Variants in BRF1 observed in about 807,000 individuals in gnomAD.
The protein encoded by BRF1 is BRF1 general transcription factor IIIB subunit.
In BRF1, 59 loss-of-function variants were observed where a neutral mutation model predicts 81.7. The observed-to-expected ratio is 0.72, with a 90% CI of 0.59 to 0.90. The LOEUF is 0.90. BRF1 is among the 40% of genes least tolerant of loss of function. The pLI, the probability that BRF1 is intolerant of heterozygous loss-of-function variation, is 0.00. For missense variants in BRF1, 1,050 were observed against 936.3 expected (o/e 1.12, Z -1.58); for synonymous variants, 491 against 395.6 (o/e 1.24, Z -2.86).
chr14:105,249,999 G>GGC (rs1566835646), intron 5 of BRF1: 1 of 1,612,688 alleles, frequency 6.2e-7, no homozygotes, highest in Non-Finnish European at 8.5e-7. Flanking sequence ...GAGTGCAAGA[G>GGC]GCAGGGGCTG....
chr14:105,241,347 G>T lies in BRF1; in HGVS notation c.612C>A (p.Ser204=). 2.5e-6 allele frequency: 4 copies of T among 1,612,758 alleles called. No homozygotes were observed. Among genetic ancestry groups the T allele is most frequent in the South Asian group, 2.2e-5 (2 of 91,088 alleles). Reference sequence around the variant, plus strand: ...TCTGTAGGAGCCTCAGGGCAGTCATGGACACCTCGTGGTTCTTCTCCCCGA... The same window carrying T: ...TCTGTAGGAGCCTCAGGGCAGTCATTGACACCTCGTGGTTCTTCTCCCCGA... The part of the protein sequence containing the change: ...LEFGEKNHEV[S]MTALRLLQRM... Residue 204 remains serine (S), a synonymous_variant, in exon 6 of 18, where the codon TCC becomes TCA. Coordinates refer to ENST00000547530, the MANE Select transcript of BRF1 (RefSeq NM_001519.4).
chr14:105,215,979 CAT>C (rs1891189213), intron 15 of BRF1, among the ~76,000 whole-genome samples: 1 of 113,128 alleles, frequency 8.8e-6, no homozygotes, highest in Non-Finnish European at 1.7e-5. Context: ...ACACACACTG[CAT>C]ACACAGGCGC....
intron 12 of BRF1, chr14:105,219,817 A>C (rs1891968578): frequency 2.3e-5 from 13 of 562,094 alleles, no homozygotes; most frequent in South Asian, 4.2e-5. Flanking sequence ...GCTGCAGGCT[A>C]TGTGCCGAGG....
chr14:105,229,056 C>T (rs992745092), intron 6 of BRF1, 143 bp from the exon 7 acceptor site: 12 of 739,200 alleles, frequency 1.6e-5, no homozygotes, highest in Middle Eastern at 3.4e-4. Context: ...GAGACCCTCA[C>T]TTGGCATGGC....
At chr14:105,281,635 G>A (rs2057109915) in intron 2 of BRF1, among the ~76,000 whole-genome samples, 1 of 152,178 alleles carries the variant, frequency 6.6e-6, no homozygotes, top group African/African-American at 2.4e-5. Flanking sequence ...GTGGAGGGGG[G>A]CACTGACGGG....
At chr14:105,256,458 G>T in intron 4 of BRF1, 60 bp downstream of exon 4, 1 of 1,613,908 alleles carries the variant, frequency 6.2e-7, no homozygotes, top group Non-Finnish European at 8.5e-7. Flanking sequence ...TCACAACCCT[G>T]GTCACAACCC....
At chr14:105,313,983 C>A (rs1263975049) in intron 1 of BRF1, among the ~76,000 whole-genome samples, 1 of 152,272 alleles carries the variant, frequency 6.6e-6, no homozygotes, top group East Asian at 1.9e-4. Flanking sequence ...GACATTTGTT[C>A]TCCATTGTCC....
chr14:105,268,362 G>A (rs1017091485), intron 3 of BRF1, among the ~76,000 whole-genome samples: 1 of 152,236 alleles, frequency 6.6e-6, no homozygotes, highest in Non-Finnish European at 1.5e-5. Context: ...TGGGAGCCAG[G>A]AGCAGACTCA....
intron 1 of BRF1, among the ~76,000 whole-genome samples, chr14:105,292,289 T>C (rs937364719): frequency 1.4e-4 from 21 of 152,254 alleles, no homozygotes; most frequent in East Asian, 9.7e-4. Context: ...GTTCAAGCGA[T>C]TCTCATGCCT....
intron 4 of BRF1, among the ~76,000 whole-genome samples, chr14:105,254,203 A>G (rs770430734): frequency 6.6e-6 from 1 of 152,210 alleles, no homozygotes; most frequent in Non-Finnish European, 1.5e-5. Flanking sequence ...GGGCCTTTAC[A>G]TGGAAACTCA....
At chr14:105,219,748 CTT>C (rs1891946995) in intron 12 of BRF1, 3 of 481,188 alleles carry the variant, frequency 6.2e-6, no homozygotes, top group Admixed American at 6.8e-5. Flanking sequence ...TGGGTGCCCT[CTT>C]GTGTCTAGAG....
chr14:105,226,523 G>A (rs1041322905), intron 8 of BRF1, 111 bp downstream of exon 8: 20 of 1,549,810 alleles, frequency 1.3e-5, no homozygotes, highest in Middle Eastern at 2.2e-4. Flanking sequence ...ACTGAAGAGC[G>A]GCTATGAGGC....
rs372121140 is a variant in BRF1, at chr14:105,210,513, G to A, written c.*38C>T. On this transcript the variant is annotated 3_prime_UTR_variant, in exon 18 of 18. Coordinates refer to ENST00000547530, the MANE Select transcript of BRF1 (RefSeq NM_001519.4). This position sits in a 1 kb window ranked among gnomAD's most constrained non-coding sequence, Gnocchi z 4.7. ...GTCTGATGCTGAGGAGACCCGCGAG[G>A]CCCCCTGCCAGGACATCACCTGCCT... The A allele has an allele frequency of 3.1e-6, 5 of 1,607,070 alleles. No homozygotes were observed. Among genetic ancestry groups the A allele is most frequent in the South Asian group, 1.1e-5 (1 of 90,740 alleles).
intron 5 of BRF1, chr14:105,249,216 C>A: frequency 6.3e-7 from 1 of 1,587,626 alleles, no homozygotes; most frequent in Non-Finnish European, 8.5e-7. Context: ...GTGGGGCCCC[C>A]GGGGGCGACC....
Position 105,308,768 on chromosome 14 carries a change from A to G in BRF1, c.-162+6554T>C, listed in dbSNP as rs138800733. On this transcript the variant is annotated intron_variant, in intron 1 of 17. Coordinates refer to the BRF1 transcript ENST00000327359. ...AGTGCTGGGATTACAGGCATGAGCC[A>G]CTGTGCCCAGCCATGACTTTGTCTC... 8.5e-3 allele frequency among the ~76,000 whole-genome samples: 1,287 copies of G among 152,068 alleles called. 26 individuals carry two copies. Among genetic ancestry groups the G allele is most frequent in the African/African-American group, 0.029 (1,223 of 41,520 alleles).
Position 105,315,047 on chromosome 14 carries a change from GC to G in BRF1, c.-162+274del. On this transcript the variant is annotated intron_variant, in intron 1 of 17. Coordinates refer to the BRF1 transcript ENST00000327359. This position sits in a 1 kb window ranked among gnomAD's most constrained non-coding sequence, Gnocchi z 4.4. ...CCAGCTGCGTGCCCAGGTACGCGCC[GC>G]CCGCCGCGCTTTGTTCCCGCCGGGC... 1 of 1,167,768 alleles carries G rather than the reference GC, an allele frequency of 8.6e-7. No individual in the cohort carries two copies. Among genetic ancestry groups the G allele is most frequent in the Non-Finnish European group, 1.1e-6 (1 of 937,660 alleles). 72.3% of individuals were successfully genotyped at this position (1,167,768 alleles called of 1,614,324 possible). A position where few individuals can be genotyped will look rare whatever the true frequency, so the allele number is the denominator to read the frequency against.
At chr14:105,216,190 C>T (rs7160272) in intron 15 of BRF1, among the ~76,000 whole-genome samples, 50,537 of 152,162 alleles carry the variant, frequency 0.33, 9,934 homozygotes, top group African/African-American at 0.54. Flanking sequence ...CATGCACACC[C>T]GGGCCCTGTC....
At chr14:105,265,308 G>A (rs1443805805) in intron 3 of BRF1, among the ~76,000 whole-genome samples, 1 of 152,012 alleles carries the variant, frequency 6.6e-6, no homozygotes, top group Non-Finnish European at 1.5e-5. Context: ...GCCTCCCAAA[G>A]CGCTGGGATT....
chr14:105,306,384 A>C (rs1181258097), intron 1 of BRF1, among the ~76,000 whole-genome samples: 1 of 151,722 alleles, frequency 6.6e-6, no homozygotes, highest in African/African-American at 2.4e-5. Context: ...ACTCAGTGCA[A>C]CCTCTGCCTC....
Sources: gnomAD v4.1 joint callset for allele counts (sites outside exome capture counted in the v4.1 genomes callset) on GRCh38, gnomAD v4.1.1 for gene constraint, Gnocchi (gnomAD v3.1) non-coding constraint, MANE v1.5 for transcripts, NCBI Gene and HGNC (gene_info 2026-07-23, HGNC 2026-07-21) for gene names.